The following TULP4 variants were observed in gnomAD, a reference collection of about 807,000 sequenced individuals.
TULP4 encodes the protein tubby-related protein 4.
TULP4 carries 16 observed loss-of-function variants against 129.0 expected under a neutral mutation model. The observed-to-expected ratio is 0.12, with a 90% CI of 0.08 to 0.19. The LOEUF is 0.19. Among genes scored for constraint, TULP4 ranks in the 10% least tolerant of loss-of-function variants. TULP4 has a pLI of 1.00. For synonymous variants in TULP4, 998 were observed against 854.0 expected (o/e 1.17, Z -2.94); for missense variants, 1,842 against 2,059.1 (o/e 0.89, Z 2.04).
At chr6:158,309,940 G>GAGGGAGAGGGAA (rs1779313026), upstream of TULP4, among the ~76,000 whole-genome samples, 1 of 149,350 alleles carries the variant, frequency 6.7e-6, no homozygotes, top group African/African-American at 2.5e-5. Context: ...GGGAGAGGGA[G>GAGGGAGAGGGAA]AGGGAGCTCA....
At chr6:158,415,388 C>T (rs1778184887) in intron 2 of TULP4, among the ~76,000 whole-genome samples, 1 of 140,002 alleles carries the variant, frequency 7.1e-6, no homozygotes, top group South Asian at 2.3e-4. Flanking sequence ...CACGCTCTGT[C>T]GCCCAGGCTG....
At chr6:158,241,037 G>A (rs1203362222) in intron 1 of TULP4, among the ~76,000 whole-genome samples, 1 of 137,832 alleles carries the variant, frequency 7.3e-6, no homozygotes, top group South Asian at 2.4e-4. Flanking sequence ...AGATGGGGCG[G>A]CCGGGTAGAG....
Position 158,413,244 on chromosome 6 carries a change from C to T in TULP4, c.381+51C>T. 1 of 1,557,550 alleles carries T rather than the reference C, an allele frequency of 6.4e-7. No individual in the cohort carries two copies. The highest frequency in any genetic ancestry group is 8.7e-7 in the Non-Finnish European group (1 of 1,145,674). ...GTGAAGGGCTGCGGGGTAGAGGACT[C>T]CCAGACAGGCATTCCGGAGCCAGTG... On this transcript the variant is annotated intron_variant, in intron 2 of 13. Transcript: ENST00000367097. The surrounding 1 kb of genome is among the most constrained non-coding windows in gnomAD (Gnocchi z 4.9).
At chr6:158,465,683 G>T (rs957406798) in intron 6 of TULP4, among the ~76,000 whole-genome samples, 1 of 152,198 alleles carries the variant, frequency 6.6e-6, no homozygotes, top group Non-Finnish European at 1.5e-5. Context: ...AGTCTCAAGA[G>T]GTCCTGAGAA....
chr6:158,502,886 G>T lies in TULP4; in HGVS notation c.3223G>T (p.Asp1075Tyr), dbSNP rs771340978. 6.2e-7 allele frequency: 1 copy of T among 1,613,870 alleles called. No individual in the cohort carries two copies. The highest frequency in any genetic ancestry group is 1.7e-5 in the Admixed American group (1 of 60,018). The change falls in exon 13 of 14, where the codon GAC becomes TAC. Residue 1075 changes from aspartate (D) to tyrosine (Y), a missense_variant. Asp to Tyr is a radical substitution (Grantham distance 160, BLOSUM62 -3). Coordinates refer to ENST00000367097, the MANE Select transcript of TULP4 (RefSeq NM_020245.5). ...CTCCTACAGCCTCCTGAGCCCACCCGACAGCGCCCGCGACCGCACCGACTA... is the reference window on the plus strand; with the variant it reads ...CTCCTACAGCCTCCTGAGCCCACCCTACAGCGCCCGCGACCGCACCGACTA... ...QSSYSLLSPP[D>Y]SARDRTDYVN...
At chr6:158,399,379 CT>C (rs1034833223) in intron 1 of TULP4, among the ~76,000 whole-genome samples, 1 of 152,198 alleles carries the variant, frequency 6.6e-6, no homozygotes, top group African/African-American at 2.4e-5. Context: ...ACTTTTAGTT[CT>C]CCTTTAGTTC....
chr6:158,251,006 T>A (rs529984919), intron 1 of TULP4, among the ~76,000 whole-genome samples: 22 of 152,262 alleles, frequency 1.4e-4, no homozygotes, highest in African/African-American at 5.3e-4. Flanking sequence ...TTCGCTCCTT[T>A]GGTGTTGAGT....
At chr6:158,464,146 G>T (rs1779503618) in intron 6 of TULP4, among the ~76,000 whole-genome samples, 1 of 152,206 alleles carries the variant, frequency 6.6e-6, no homozygotes, top group Admixed American at 6.5e-5. Context: ...GAGCAACCAT[G>T]GCCTAGGACA....
Position 158,493,614 on chromosome 6 carries a change from C to A in TULP4, c.1673C>A (p.Ala558Asp). 1 of 1,586,304 alleles carries A rather than the reference C, an allele frequency of 6.3e-7. No homozygotes were observed. The highest frequency in any genetic ancestry group is 1.1e-5 in the South Asian group (1 of 87,626). Residue 558 changes from alanine to aspartate, a missense_variant, in exon 10 of 14, where the codon GCT (alanine) becomes GAT (aspartate). Physicochemically the swap from Ala to Asp is moderately radical, Grantham distance 126 (BLOSUM62 -2). Transcript: ENST00000367097. The surrounding 1 kb of genome is among the most constrained non-coding windows in gnomAD (Gnocchi z 4.4). ...CGCAAGTCACCCAAGCTGCCCCGGG[C>A]TGCTCAGGAGCTCTCCCGGTCCCCA... ...EARKSPKLPRAAQELSRSPRL... is the reference protein window; with the variant it reads ...EARKSPKLPRDAQELSRSPRL...
At chr6:158,238,109 C>G (rs1777756205) in intron 1 of TULP4, 7 of 731,224 alleles carry the variant, frequency 9.6e-6, no homozygotes, top group Non-Finnish European at 1.8e-5. Flanking sequence ...CTAATGCAGA[C>G]ACCATGCCTG....
intron 1 of TULP4, among the ~76,000 whole-genome samples, chr6:158,274,547 C>G (rs9364893): frequency 2.0e-5 from 3 of 151,814 alleles, no homozygotes; most frequent in African/African-American, 7.3e-5. Context: ...GAGGCCAAGG[C>G]GGGCGGATCA....
At chr6:158,490,676 C>T (rs1780179453) in intron 9 of TULP4, among the ~76,000 whole-genome samples, 1 of 152,204 alleles carries the variant, frequency 6.6e-6, no homozygotes, top group Non-Finnish European at 1.5e-5. Context: ...GTGCTCCCTC[C>T]ATTTGATACC....
At chr6:158,418,214 C>A (rs559987950) in intron 2 of TULP4, among the ~76,000 whole-genome samples, 68 of 150,668 alleles carry the variant, frequency 4.5e-4, no homozygotes, top group Admixed American at 1.2e-3. Context: ...TGAAGCAATT[C>A]TTTTGCCCCA....
At chr6:158,290,401 A>T (rs532015910) in intron 1 of TULP4, among the ~76,000 whole-genome samples, 40 of 152,148 alleles carry the variant, frequency 2.6e-4, no homozygotes, top group African/African-American at 9.6e-4. Context: ...TTCCTTATAT[A>T]TTCTAGTTGT....
At chr6:158,279,855 A>T (rs1778717955), upstream of TULP4, among the ~76,000 whole-genome samples, 1 of 152,240 alleles carries the variant, frequency 6.6e-6, no homozygotes, top group Admixed American at 6.5e-5. Flanking sequence ...TTGGCTTGGA[A>T]TTCAGCATGT....
At chr6:158,488,182 T>G (rs192523149) in intron 8 of TULP4, among the ~76,000 whole-genome samples, 1 of 152,246 alleles carries the variant, frequency 6.6e-6, no homozygotes, top group African/African-American at 2.4e-5. Flanking sequence ...CTGGCATTGA[T>G]GAGTGAGTCA....
At chr6:158,451,690 A>G (rs1193344611) in intron 4 of TULP4, among the ~76,000 whole-genome samples, 2 of 152,194 alleles carry the variant, frequency 1.3e-5, no homozygotes, top group African/African-American at 4.8e-5. Flanking sequence ...ATGAAAGAGG[A>G]TTTAGAAAGA....
At chr6:158,420,863 A>G (rs1265909681) in intron 2 of TULP4, among the ~76,000 whole-genome samples, 1 of 152,190 alleles carries the variant, frequency 6.6e-6, no homozygotes, top group Non-Finnish European at 1.5e-5. Flanking sequence ...AAAATCCTAG[A>G]TCTAAATTAT....
chr6:158,237,447 A>T (rs985980209), intron 1 of TULP4: 4 of 1,563,670 alleles, frequency 2.6e-6, no homozygotes, highest in Non-Finnish European at 3.5e-6. Flanking sequence ...TTGTAGAGGC[A>T]GATAGTGTCG....
Sources: allele counts gnomAD v4.1 joint callset (sites outside exome capture counted in the v4.1 genomes callset), GRCh38; gene constraint gnomAD v4.1.1; non-coding constraint Gnocchi (gnomAD v3.1); transcripts MANE v1.5; gene names NCBI Gene and HGNC (gene_info 2026-07-23, HGNC 2026-07-21).